SPDYE10: variants seen among roughly 807,000 people sequenced by gnomAD.
SPDYE10 encodes the protein speedy/RINGO cell cycle regulator family member E10.
the SPDYE10 span, among the ~76,000 whole-genome samples, chr7:73,113,611 C>T: frequency 1.4e-3 from 212 of 150,844 alleles, no homozygotes; most frequent in African/African-American, 4.4e-3. Context: ...CTGTGGGTTC[C>T]GGCCAGGCAC....
At chr7:73,137,637 A>G in the SPDYE10 span, among the ~76,000 whole-genome samples, 21 of 126,432 alleles carry the variant, frequency 1.7e-4, no homozygotes, top group Non-Finnish European at 3.0e-4. Context: ...AAAGAAAGAA[A>G]GAAAGGAGAA....
chr7:73,150,949 T>TATG, the SPDYE10 span, among the ~76,000 whole-genome samples: 1 of 8,582 alleles, frequency 1.2e-4, no homozygotes, highest in African/African-American at 5.1e-4. Context: ...TATATATATA[T>TATG]TTTTTTTTTT....
the SPDYE10 span, among the ~76,000 whole-genome samples, chr7:73,149,202 G>A: frequency 7.2e-6 from 1 of 139,664 alleles, no homozygotes; most frequent in South Asian, 2.4e-4. Context: ...GCCTGGTCTT[G>A]AAGTCCTGAC....
chr7:73,137,575 A>C, the SPDYE10 span, among the ~76,000 whole-genome samples: 1 of 146,254 alleles, frequency 6.8e-6, no homozygotes, highest in African/African-American at 2.6e-5. Context: ...GAGATGAAAG[A>C]AAGAAAGAAA....
the SPDYE10 span, among the ~76,000 whole-genome samples, chr7:73,154,424 A>C: frequency 6.8e-6 from 1 of 147,588 alleles, no homozygotes. Context: ...CTTGCTAGGA[A>C]CTCCCATTCA....
At chr7:73,132,750 AG>A in the SPDYE10 span, among the ~76,000 whole-genome samples, 2 of 151,406 alleles carry the variant, frequency 1.3e-5, no homozygotes, top group African/African-American at 4.9e-5. Flanking sequence ...CACTTTGGAA[AG>A]GCTGGAGCAT....
At chr7:73,134,517 T>C in the SPDYE10 span, among the ~76,000 whole-genome samples, 1 of 1,938 alleles carries the variant, frequency 5.2e-4, no homozygotes, top group Non-Finnish European at 7.9e-4. Flanking sequence ...ACTTAAAGTA[T>C]AATAAAAAAG....
the SPDYE10 span, among the ~76,000 whole-genome samples, chr7:73,145,166 C>G: frequency 2.6e-5 from 3 of 117,202 alleles, no homozygotes; most frequent in Non-Finnish European, 5.2e-5. Flanking sequence ...CTTTCTTTCT[C>G]TTTCTCTCTC....
At chr7:73,126,911 T>G in the SPDYE10 span, among the ~76,000 whole-genome samples, 1 of 115,906 alleles carries the variant, frequency 8.6e-6, no homozygotes, top group Non-Finnish European at 1.7e-5. Context: ...TGTTGGTGGT[T>G]TTTTTTTTTT....
the SPDYE10 span, among the ~76,000 whole-genome samples, chr7:73,135,107 C>T: frequency 1.3e-5 from 2 of 152,278 alleles, no homozygotes; most frequent in African/African-American, 4.8e-5. Context: ...GTTCCTTCAC[C>T]ACCTCTGCCT....
chr7:73,139,662 T>C, the SPDYE10 span, among the ~76,000 whole-genome samples: 3 of 151,238 alleles, frequency 2.0e-5, no homozygotes, highest in Non-Finnish European at 4.4e-5. Flanking sequence ...TTTTGTGTTT[T>C]TTTTTTTCTT....
the SPDYE10 span, among the ~76,000 whole-genome samples, chr7:73,132,144 TCACTTTAATC>T: frequency 9.9e-6 from 1 of 101,152 alleles, no homozygotes; most frequent in Non-Finnish European, 2.0e-5. Context: ...GGAGATGTCC[TCACTTTAATC>T]TAAACTCTGA....
the SPDYE10 span, among the ~76,000 whole-genome samples, chr7:73,139,743 A>C: frequency 7.7e-6 from 1 of 129,294 alleles, no homozygotes; most frequent in African/African-American, 3.1e-5. Flanking sequence ...TGCAAGCTCC[A>C]TCTCCTGGGT....
the SPDYE10 span, among the ~76,000 whole-genome samples, chr7:73,147,821 T>C: frequency 4.5e-4 from 66 of 146,514 alleles, 1 homozygote; most frequent in African/African-American, 1.7e-3. Flanking sequence ...GTTTGTTTGT[T>C]TGTTTTTTGA....
the SPDYE10 span, among the ~76,000 whole-genome samples, chr7:73,135,869 G>GTTT: frequency 1.3e-5 from 1 of 75,406 alleles, no homozygotes; most frequent in African/African-American, 4.6e-5. Context: ...ACCGCACCCG[G>GTTT]TCTTTTTTTT....
the SPDYE10 span, chr7:73,155,195 GCGGATGAGCCGC>G: frequency 5.9e-6 from 1 of 168,960 alleles, no homozygotes; most frequent in African/African-American, 3.0e-5. Flanking sequence ...TCGTCCCCCC[GCGGATGAGCCGC>G]CGCGGACGGG....
the SPDYE10 span, among the ~76,000 whole-genome samples, chr7:73,139,746 T>C: frequency 1.5e-5 from 2 of 135,986 alleles, no homozygotes; most frequent in African/African-American, 2.8e-5. Flanking sequence ...AAGCTCCATC[T>C]CCTGGGTTCA....
chr7:73,142,618 T>C, the SPDYE10 span, among the ~76,000 whole-genome samples: 1 of 152,090 alleles, frequency 6.6e-6, no homozygotes, highest in African/African-American at 2.4e-5. Flanking sequence ...CCCAGCACCA[T>C]GGGGCAGAAC....
the SPDYE10 span, among the ~76,000 whole-genome samples, chr7:73,123,205 T>A: frequency 2.0e-5 from 3 of 152,226 alleles, no homozygotes; most frequent in Non-Finnish European, 4.4e-5. Context: ...GTCATGAGCA[T>A]CTGTAGCTCT....
Sources: allele counts gnomAD v4.1 joint callset (sites outside exome capture counted in the v4.1 genomes callset), GRCh38; gene constraint gnomAD v4.1.1; transcripts MANE v1.5; gene names NCBI Gene and HGNC (gene_info 2026-07-23, HGNC 2026-07-21).